The following FAM131A variants were observed in gnomAD, a reference collection of about 807,000 sequenced individuals.
FAM131A encodes protein FAM131A.
In FAM131A, 24 loss-of-function variants were observed where a neutral mutation model predicts 39.2. The observed-to-expected ratio is 0.61, with a 90% CI of 0.44 to 0.86. FAM131A has a LOEUF of 0.86. Ranked by LOEUF, FAM131A falls within the 40% of genes least tolerant of loss-of-function variation. The pLI is 0.00. For synonymous variants in FAM131A, 202 were observed against 206.8 expected (o/e 0.98, Z 0.20); for missense variants, 373 against 481.2 (o/e 0.78, Z 2.10).
At position 184,338,400 on chromosome 3, in the gene FAM131A, C is replaced by T. The variant is rs11549568; in HGVS notation, c.102C>T (p.Pro34=). The T allele has an allele frequency of 3.4e-6, 5 of 1,465,294 alleles. No individual in the cohort carries two copies. The highest frequency in any genetic ancestry group is 5.1e-5 in the East Asian group (2 of 39,190). 90.8% of individuals were successfully genotyped at this position (1,465,294 alleles called of 1,614,324 possible). ...CCTTCCTCTCAGTGTCCTCGGACCCCGCTTGGGCTGTGGAGTGGATCGAAC... is the reference window on the plus strand; with the variant it reads ...CCTTCCTCTCAGTGTCCTCGGACCCTGCTTGGGCTGTGGAGTGGATCGAAC... The part of the protein sequence containing the change: ...CQTSRRVSSD[P]AWAVEWIELP... Residue 34 remains proline, a synonymous_variant, in exon 2 of 6, where the codon CCC becomes CCT. Coordinates refer to ENST00000383847, the MANE Select transcript of FAM131A (RefSeq NM_144635.5).
At position 184,344,689 on chromosome 3, in the gene FAM131A, C is replaced by G; in HGVS notation, c.820C>G (p.Gln274Glu). 1.2e-6 allele frequency: 2 copies of G among 1,612,516 alleles called. No individual in the cohort carries two copies. Among genetic ancestry groups the G allele is most frequent in the Non-Finnish European group, 8.5e-7 (1 of 1,179,840 alleles). ...LLGSPARLASQLLGDELLLAK... is the reference protein window; with the variant it reads ...LLGSPARLASELLGDELLLAK... ...GGGCTCCCCGGCCCGGCTGGCCTCC[C>G]AGCTGCTGGGCGATGAGCTGCTTCT... Residue 274 changes from glutamine to glutamate, a missense_variant, in exon 6 of 6, where the codon CAG becomes GAG. Transcript: ENST00000383847.
Position 184,341,764 on chromosome 3 carries a change from G to A in FAM131A, c.272G>A (p.Arg91Gln), listed in dbSNP as rs1164694076. The A allele has an allele frequency of 1.9e-6, 3 of 1,612,382 alleles. No homozygotes were observed. Among genetic ancestry groups the A allele is most frequent in the Non-Finnish European group, 2.5e-6 (3 of 1,180,010 alleles). The part of the protein sequence containing the change: ...GDTVAMLPKS[R>Q]RALTIQEIAA... ...ACAGTCGCGATGCTGCCCAAGTCCC[G>A]GCGAGCCCTAACTATCCAGGAGATC... The change falls in exon 3 of 6, where the codon CGG becomes CAG. Residue 91 changes from arginine to glutamine, a missense_variant. By Grantham distance (43) the Arg-to-Gln change is conservative. Around this residue, in one of 2 missense-constraint regions of FAM131A, gnomAD observed 221 missense variants for 347.7 expected, o/e 0.64. Coordinates refer to ENST00000383847, the MANE Select transcript of FAM131A (RefSeq NM_144635.5).
chr3:184,342,968 G>A lies in FAM131A; in HGVS notation c.625+108G>A. The A allele has an allele frequency of 3.1e-6, 3 of 964,240 alleles. No homozygotes were observed. Among genetic ancestry groups the A allele is most frequent in the African/African-American group, 1.6e-5 (1 of 62,494 alleles). 59.7% of individuals were successfully genotyped at this position (964,240 alleles called of 1,614,324 possible). A position where few individuals can be genotyped will look rare whatever the true frequency, so the allele number is the denominator to read the frequency against. ...TCAGCCTTTGCAAGGGGAGGGAGAG[G>A]GACAGACTCAGTCCAGGCAGGCCTG... On this transcript the variant is annotated intron_variant, in intron 5 of 5. Coordinates refer to ENST00000383847, the MANE Select transcript of FAM131A (RefSeq NM_144635.5). The surrounding 1 kb of genome is among the most constrained non-coding windows in gnomAD (Gnocchi z 4.6).
chr3:184,345,053 TC>T lies in FAM131A; in HGVS notation c.*86del. On this transcript the variant is annotated 3_prime_UTR_variant, in exon 6 of 6. Coordinates refer to ENST00000383847, the MANE Select transcript of FAM131A (RefSeq NM_144635.5). ...CTGTGCCCAAGTGTGGGCTCAAGGC[TC>T]CCAGCAGAGCTCCACAGCCTAGAGG... 7.7e-7 allele frequency: 1 copy of T among 1,297,262 alleles called. No individual in the cohort carries two copies. Among genetic ancestry groups the T allele is most frequent in the Non-Finnish European group, 1.0e-6 (1 of 970,852 alleles). 80.4% of individuals were successfully genotyped at this position (1,297,262 alleles called of 1,614,324 possible). A position where few individuals can be genotyped will look rare whatever the true frequency, so the allele number is the denominator to read the frequency against.
In FAM131A at chr3:184,337,679, G is replaced by A. The variant is rs1727181194; in HGVS notation, c.49G>A (p.Gly17Arg). The stretch of plus-strand genomic sequence containing the variant: ...CAAAATGTTTCTGTGGCAGCGTGAA[G>A]GGCCTGGAGGACGATGGACTTGTCA... ...LGKMFLWQRE[G>R]PGGRWTCQTS... Residue 17 changes from glycine to arginine, a missense_variant, in exon 1 of 6, where the codon GGG (glycine) becomes AGG (arginine). Gly to Arg is a moderately radical substitution (Grantham distance 125). This residue lies in a region of FAM131A where 221 missense variants were observed against 347.7 expected (regional missense o/e 0.64). Transcript: ENST00000383847. The A allele has an allele frequency of 1.0e-5, 16 of 1,537,276 alleles. No individual in the cohort carries two copies. Among genetic ancestry groups the A allele is most frequent in the Non-Finnish European group, 1.4e-5 (16 of 1,146,908 alleles).
intron 2 of FAM131A, chr3:184,340,446 C>G (rs1303631801): frequency 6.6e-6 from 1 of 150,834 alleles, no homozygotes; most frequent in Non-Finnish European, 1.5e-5. Context: ...CTTGCCTCAG[C>G]CTCCTGAGTA....
chr3:184,344,754 C>T lies in FAM131A; in HGVS notation c.885C>T (p.Ser295=). 6.2e-7 allele frequency: 1 copy of T among 1,612,390 alleles called. No homozygotes were observed. The highest frequency in any genetic ancestry group is 8.5e-7 in the Non-Finnish European group (1 of 1,179,968). The change falls in exon 6 of 6, where the codon AGC becomes AGT. Residue 295 remains serine, a synonymous_variant. Coordinates refer to ENST00000383847, the MANE Select transcript of FAM131A (RefSeq NM_144635.5). ...CCAGCCGGGAAAGTGCCTTCCGCAGCCTGGGCCCACTGGAGGCCCAGGACT... is the reference window on the plus strand; with the variant it reads ...CCAGCCGGGAAAGTGCCTTCCGCAGTCTGGGCCCACTGGAGGCCCAGGACT... The part of the protein sequence containing the change: ...LPPSRESAFR[S]LGPLEAQDSL...
chr3:184,341,968 T>C (rs778428772), intron 3 of FAM131A, 98 bp from the exon 4 acceptor site: 1 of 1,538,866 alleles, frequency 6.5e-7, no homozygotes, highest in Admixed American at 1.7e-5. Context: ...ACCCAAAGGT[T>C]CACATGGATC....
rs149602757 is a variant in FAM131A at position 184,341,668 on chromosome 3, A to G, written c.232-56A>G. ...TGCCTTTGCTGGGTATGGGCATGTT[A>G]GGGGGAAGGTCATTGCTGTCAGAGG... is the stretch of plus-strand genomic sequence containing the variant. On this transcript the variant is annotated intron_variant, in intron 2 of 5. Coordinates refer to ENST00000383847, the MANE Select transcript of FAM131A (RefSeq NM_144635.5). 7,039 of 1,477,914 alleles carry G rather than the reference A, an allele frequency of 4.8e-3. 30 individuals carry two copies. The highest frequency in any genetic ancestry group is 6.0e-3 in the Non-Finnish European group (6,518 of 1,078,770). The allele number at this position is 1,477,914 out of a possible 1,614,324, so 91.6% of individuals were successfully genotyped here.
chr3:184,336,348 A>T (rs935783952), upstream of FAM131A, among the ~76,000 whole-genome samples: 14 of 152,330 alleles, frequency 9.2e-5, no homozygotes, highest in African/African-American at 3.4e-4. This position sits in a 1 kb window ranked among gnomAD's most constrained non-coding sequence, Gnocchi z 5.5. Flanking sequence ...TTTGCAGGGC[A>T]GACGCATGGT....
At chr3:184,343,077 G>T in intron 5 of FAM131A, 1 of 363,328 alleles carries the variant, frequency 2.8e-6, no homozygotes, top group Non-Finnish European at 5.0e-6. Context: ...TCCCACAGGT[G>T]CTGAGGCTTC....
rs1403086402 is a variant in FAM131A, at chr3:184,342,786, C to T, written c.551C>T (p.Ala184Val). 4 of 1,613,806 alleles carry T rather than the reference C, an allele frequency of 2.5e-6. No individual in the cohort carries two copies. The highest frequency in any genetic ancestry group is 2.5e-6 in the Non-Finnish European group (3 of 1,179,874). ...GCCATCGCGGAAGCCAAGCTCCGAG[C>T]ATGGTCTTCGGTGGATGGCGAGGAC... ...QFAIAEAKLR[A>V]WSSVDGEDST... Residue 184 changes from alanine (A) to valine (V), a missense_variant, in exon 5 of 6, where the codon GCA becomes GTA. Ala to Val is a moderately conservative substitution (Grantham distance 64). This residue lies in a region of FAM131A where 221 missense variants were observed against 347.7 expected (regional missense o/e 0.64). Transcript: ENST00000383847. This position sits in a 1 kb window ranked among gnomAD's most constrained non-coding sequence, Gnocchi z 4.6.
Position 184,344,581 on chromosome 3 carries a change from G to T in FAM131A, c.712G>T (p.Val238Leu). ...RFSRPVRQGS[V>L]EPESDCSQTV... Reference sequence around the variant, plus strand: ...CTCCCGGCCTGTGCGCCAGGGCTCCGTGGAGCCTGAGAGCGACTGCTCACA... The same window carrying T: ...CTCCCGGCCTGTGCGCCAGGGCTCCTTGGAGCCTGAGAGCGACTGCTCACA... The change falls in exon 6 of 6, where the codon GTG becomes TTG. Residue 238 changes from valine (V) to leucine (L), a missense_variant. Physicochemically the swap from Val to Leu is conservative, Grantham distance 32. Around this residue, in one of 2 missense-constraint regions of FAM131A, gnomAD observed 221 missense variants for 347.7 expected, o/e 0.64. Transcript: ENST00000383847. 1.2e-6 allele frequency: 2 copies of T among 1,610,738 alleles called. No homozygotes were observed. The highest frequency in any genetic ancestry group is 1.7e-6 in the Non-Finnish European group (2 of 1,178,226).
rs999180883 is a variant in FAM131A at position 184,342,453 on chromosome 3, G to C, written c.508+205G>C. ...CTCCCAAGTAGCTGGGATTACAGTTGCCTGCCACCGTGCCTGGCTAATTTT... is the reference window on the plus strand; with the variant it reads ...CTCCCAAGTAGCTGGGATTACAGTTCCCTGCCACCGTGCCTGGCTAATTTT... On this transcript the variant is annotated intron_variant, in intron 4 of 5. Coordinates refer to ENST00000383847, the MANE Select transcript of FAM131A (RefSeq NM_144635.5). The surrounding 1 kb of genome is among the most constrained non-coding windows in gnomAD (Gnocchi z 4.6). 6.6e-6 allele frequency among the ~76,000 whole-genome samples: 1 copy of C among 152,118 alleles called. No individual in the cohort carries two copies. The highest frequency in any genetic ancestry group is 2.4e-5 in the African/African-American group (1 of 41,410).
rs1727407641 is a variant in FAM131A at position 184,342,030 on chromosome 3, CCTTTA to C, written c.326-34_326-30del. The C allele has an allele frequency of 6.2e-7, 1 of 1,612,306 alleles. No homozygotes were observed. Among genetic ancestry groups the C allele is most frequent in the African/African-American group, 1.3e-5 (1 of 74,898 alleles). On this transcript the variant is annotated intron_variant, in intron 3 of 5. Coordinates refer to ENST00000383847, the MANE Select transcript of FAM131A (RefSeq NM_144635.5). The surrounding 1 kb of genome is among the most constrained non-coding windows in gnomAD (Gnocchi z 4.6). ...CTGCACCTGTGCTCCCTGGCCTGGTCCTTTACCAGGCTTCTCCACCCTCCCCTATC... is the reference window on the plus strand; with the variant it reads ...CTGCACCTGTGCTCCCTGGCCTGGTCCCAGGCTTCTCCACCCTCCCCTATC...
At chr3:184,337,546 C>A, upstream of FAM131A, 2 of 1,254,302 alleles carry the variant, frequency 1.6e-6, no homozygotes, top group South Asian at 1.3e-5. Context: ...ACTGGCTCAG[C>A]ATCCGGAGCC....
intron 2 of FAM131A, 148 bp downstream of exon 2, chr3:184,338,677 C>G: frequency 9.7e-7 from 1 of 1,027,124 alleles, no homozygotes; most frequent in Non-Finnish European, 1.4e-6. Flanking sequence ...AGGCCGCCCC[C>G]GTGCCGGTCT....
chr3:184,344,631 C>G lies in FAM131A; in HGVS notation c.762C>G (p.Cys254Trp), dbSNP rs760655033. The G allele has an allele frequency of 6.2e-7, 1 of 1,612,972 alleles. No homozygotes were observed. Among genetic ancestry groups the G allele is most frequent in the Admixed American group, 1.7e-5 (1 of 60,010 alleles). ...CSQTVSPDTL[C>W]SSLCSLEDGL... ...AGACCGTGTCCCCAGACACCCTGTG[C>G]TCTAGTCTGTGCAGCCTGGAGGATG... The change falls in exon 6 of 6, where the codon TGC becomes TGG. Residue 254 changes from cysteine to tryptophan, a missense_variant. Coordinates refer to ENST00000383847, the MANE Select transcript of FAM131A (RefSeq NM_144635.5).
rs1560246207 is a variant in FAM131A, at chr3:184,345,695, C to T, written c.*725C>T. On this transcript the variant is annotated 3_prime_UTR_variant, in exon 6 of 6. Transcript: ENST00000383847. ...ATGGGGCCTGGGCCCTTTCCCAACCCCTCCTAGGATGTGCGGGCAGTGTGC... is the reference window on the plus strand; with the variant it reads ...ATGGGGCCTGGGCCCTTTCCCAACCTCTCCTAGGATGTGCGGGCAGTGTGC... 1.6e-6 allele frequency: 1 copy of T among 625,136 alleles called. No homozygotes were observed. Among genetic ancestry groups the T allele is most frequent in the Admixed American group, 2.8e-5 (1 of 35,782 alleles). 38.7% of individuals were successfully genotyped at this position (625,136 alleles called of 1,614,324 possible). A position where few individuals can be genotyped will look rare whatever the true frequency, so the allele number is the denominator to read the frequency against.
Sources: gnomAD v4.1 joint callset for allele counts (sites outside exome capture counted in the v4.1 genomes callset) on GRCh38, gnomAD v4.1.1 for gene constraint, gnomAD v4.1.1 regional missense constraint, Gnocchi (gnomAD v3.1) non-coding constraint, MANE v1.5 for transcripts, NCBI Gene and HGNC (gene_info 2026-07-23, HGNC 2026-07-21) for gene names.